Variants in C12orf42 observed in about 807,000 individuals in gnomAD.
The protein encoded by C12orf42 is uncharacterized protein C12orf42.
Under a neutral mutation model 21.6 loss-of-function variants are expected in C12orf42, and 25 were observed. The ratio of observed to expected loss-of-function variants is 1.16; its 90% CI spans 0.84 to 1.62. The LOEUF (loss-of-function observed/expected upper bound fraction) is 1.62, where lower values mean the gene tolerates loss of function less well. Ranked by LOEUF, C12orf42 falls within the 40% of genes most tolerant of loss-of-function variation. The probability of loss-of-function intolerance (pLI) is 0.00; values close to 1 mark genes in which losing one functional copy is unlikely to be tolerated. For synonymous variants in C12orf42, 174 were observed against 175.0 expected, an observed-to-expected ratio of 0.99 and a Z score of 0.05; for missense variants, 483 against 459.3, an observed-to-expected ratio of 1.05 and a Z score of -0.47.
At chr12:103,374,076 C>G (rs1465925592) in intron 3 of C12orf42, among the ~76,000 whole-genome samples, 1 of 152,138 alleles carries the variant, frequency 6.6e-6, no homozygotes, top group Non-Finnish European at 1.5e-5. Context: ...CAATCTGGGT[C>G]TGGAGACAAA....
At chr12:103,243,295 G>A (rs2033844269) in intron 10 of C12orf42, among the ~76,000 whole-genome samples, 1 of 151,846 alleles carries the variant, frequency 6.6e-6, no homozygotes, top group South Asian at 2.1e-4. Flanking sequence ...CCAAAGCTCT[G>A]GGATTAAACG....
intron 5 of C12orf42, among the ~76,000 whole-genome samples, chr12:103,273,239 G>T (rs2035571688): frequency 6.6e-6 from 1 of 152,036 alleles, no homozygotes; most frequent in Admixed American, 6.6e-5. Context: ...CTTTGCCCAG[G>T]TTCAGTTCCA....
At chr12:103,329,725 A>C (rs2041058947) in intron 4 of C12orf42, among the ~76,000 whole-genome samples, 1 of 152,010 alleles carries the variant, frequency 6.6e-6, no homozygotes, top group African/African-American at 2.4e-5. Flanking sequence ...TCATTGTACA[A>C]AATTTGGCAA....
At chr12:103,496,180 T>G (rs1955537073), upstream of C12orf42, among the ~76,000 whole-genome samples, 1 of 152,174 alleles carries the variant, frequency 6.6e-6, no homozygotes, top group African/African-American at 2.4e-5. Context: ...CACCTGTTCT[T>G]CCGGGGGCGG....
intron 10 of C12orf42, among the ~76,000 whole-genome samples, chr12:103,249,720 C>CA (rs1260671010): frequency 2.0e-5 from 3 of 152,064 alleles, no homozygotes; most frequent in Non-Finnish European, 4.4e-5. Flanking sequence ...AGAACAAACT[C>CA]AAACACACAG....
the C12orf42 span, among the ~76,000 whole-genome samples, chr12:103,232,407 T>A: frequency 1.3e-5 from 2 of 152,158 alleles, no homozygotes; most frequent in African/African-American, 4.8e-5. Flanking sequence ...ATTTCTCTCA[T>A]GTTATTTTTT....
intron 10 of C12orf42, among the ~76,000 whole-genome samples, chr12:103,242,565 T>C (rs574934057): frequency 1.7e-4 from 26 of 152,242 alleles, no homozygotes; most frequent in African/African-American, 6.0e-4. Flanking sequence ...ATTTAAAAGG[T>C]CACAAAACAC....
chr12:103,067,200 C>G, the C12orf42 span, among the ~76,000 whole-genome samples: 53 of 152,318 alleles, frequency 3.5e-4, no homozygotes, highest in African/African-American at 1.2e-3. Flanking sequence ...ACACTTACTC[C>G]AGATATGGGT....
chr12:103,219,157 C>A, the C12orf42 span, among the ~76,000 whole-genome samples: 1 of 152,232 alleles, frequency 6.6e-6, no homozygotes, highest in African/African-American at 2.4e-5. Context: ...GACTCTTTAT[C>A]CAATTTGCCA....
chr12:103,471,346 T>C (rs1240947104), intron 2 of C12orf42, among the ~76,000 whole-genome samples: 2 of 152,232 alleles, frequency 1.3e-5, no homozygotes, highest in East Asian at 3.8e-4. Flanking sequence ...CTGCTCTGTA[T>C]TTTTCCTCTA....
chr12:103,068,932 CACATATATATATATATATATATAT>C, the C12orf42 span, among the ~76,000 whole-genome samples: 118 of 48,212 alleles, frequency 2.4e-3, 6 homozygotes, highest in Middle Eastern at 0.014. Context: ...TCTCTCTCTC[CACATATATATATATATATATATAT>C]ATATATATAT....
chr12:103,424,406 C>T (rs1047024498), intron 2 of C12orf42, among the ~76,000 whole-genome samples: 2 of 152,002 alleles, frequency 1.3e-5, no homozygotes, highest in Non-Finnish European at 2.9e-5. Flanking sequence ...AGGAACAGCT[C>T]CGGTCTGCAA....
chr12:103,069,615 G>A, the C12orf42 span, among the ~76,000 whole-genome samples: 2 of 152,182 alleles, frequency 1.3e-5, no homozygotes, highest in Non-Finnish European at 2.9e-5. Context: ...CATGCGTATT[G>A]CTTTTACACC....
chr12:103,403,697 A>AC (rs1027347162), intron 2 of C12orf42, among the ~76,000 whole-genome samples: 6 of 152,198 alleles, frequency 3.9e-5, no homozygotes, highest in African/African-American at 1.4e-4. Context: ...AGCAAGAATC[A>AC]CCGGGGGAAA....
chr12:103,420,005 A>G (rs2049734348), intron 2 of C12orf42, among the ~76,000 whole-genome samples: 2 of 152,238 alleles, frequency 1.3e-5, no homozygotes, highest in African/African-American at 4.8e-5. Context: ...TGGCTGTTAT[A>G]TTAACATGTG....
chr12:103,351,927 C>T (rs1057009563), intron 4 of C12orf42, among the ~76,000 whole-genome samples: 4 of 151,656 alleles, frequency 2.6e-5, no homozygotes, highest in African/African-American at 9.7e-5. Flanking sequence ...CCCTCTCTAT[C>T]CCCCTTCCCC....
intron 3 of C12orf42, among the ~76,000 whole-genome samples, chr12:103,390,958 C>T (rs2047026126): frequency 6.6e-6 from 1 of 152,182 alleles, no homozygotes; most frequent in South Asian, 2.1e-4. Flanking sequence ...ACTGACACAT[C>T]CAGAAACAAT....
chr12:103,066,649 G>A, the C12orf42 span, among the ~76,000 whole-genome samples: 1 of 152,228 alleles, frequency 6.6e-6, no homozygotes, highest in Non-Finnish European at 1.5e-5. Flanking sequence ...AGGAGAAATG[G>A]TCAGCTGTGT....
Position 103,355,506 on chromosome 12 carries a change from G to A in C12orf42, c.259+13381C>T, listed in dbSNP as rs970502830. 3.3e-5 allele frequency among the ~76,000 whole-genome samples: 5 copies of A among 152,148 alleles called. No homozygotes were observed. The East Asian group carries it at 5.8e-4, about 18-fold the overall frequency. Reference sequence around the variant, plus strand: ...CAACATTCTGCTTGTTGACCATCCAGGTTCTCATCAGTTGACTGAAGAATA... The same window carrying A: ...CAACATTCTGCTTGTTGACCATCCAAGTTCTCATCAGTTGACTGAAGAATA... On this transcript the variant is annotated intron_variant, in intron 4 of 5. Coordinates refer to ENST00000548883, the MANE Select transcript of C12orf42 (RefSeq NM_198521.5).
Sources: gnomAD v4.1 joint callset for allele counts (sites outside exome capture counted in the v4.1 genomes callset) on GRCh38, gnomAD v4.1.1 for gene constraint, MANE v1.5 for transcripts, NCBI Gene and HGNC (gene_info 2026-07-23, HGNC 2026-07-21) for gene names.